The following NCOR1 variants were observed in gnomAD, a reference collection of about 807,000 sequenced individuals.
NCOR1 encodes the protein nuclear receptor corepressor 1.
A neutral mutation model predicts 288.1 loss-of-function variants in NCOR1; 63 were observed. The observed-to-expected ratio is 0.22, with a 90% CI of 0.18 to 0.27. The LOEUF (loss-of-function observed/expected upper bound fraction) is 0.27. Among genes scored for constraint, NCOR1 ranks in the 10% least tolerant of loss-of-function variants. NCOR1 has a pLI of 1.00. For missense variants in NCOR1, 2,397 were observed against 3,019.2 expected, an observed-to-expected ratio of 0.79 and a Z score of 4.83; for synonymous variants, 1,007 against 1,065.9, an observed-to-expected ratio of 0.94 and a Z score of 1.08.
chr17:16,189,628 T>G (rs1208912269), intron 2 of NCOR1, among the ~76,000 whole-genome samples: 1 of 152,062 alleles, frequency 6.6e-6, no homozygotes, highest in Admixed American at 6.6e-5. Context: ...GAGACAGGAT[T>G]CTGAAAAATA....
At chr17:16,065,294 T>C (rs547230524) in intron 33 of NCOR1, among the ~76,000 whole-genome samples, 191 bp downstream of exon 33, 1 of 152,342 alleles carries the variant, frequency 6.6e-6, no homozygotes, top group Non-Finnish European at 1.5e-5. Context: ...TTGGTTTAGT[T>C]AATTTCAGTA....
chr17:16,058,625 A>G, intron 37 of NCOR1, 26 bp from the exon 38 acceptor site: 1 of 1,583,124 alleles, frequency 6.3e-7, no homozygotes, highest in Non-Finnish European at 8.6e-7. Flanking sequence ...ATCTTATTTC[A>G]AAACTAATCC....
Position 16,058,677 on chromosome 17 carries a change from A to AT in NCOR1, c.5882-79dup, listed in dbSNP as rs1462748841. On this transcript the variant is annotated intron_variant, in intron 37 of 45. Coordinates refer to ENST00000268712, the MANE Select transcript of NCOR1 (RefSeq NM_006311.4). ...AGTCTAAGTTCTTCACACCTGTAGC[A>AT]TTTTTTCAATTCTGATCCACCATGT... The AT allele has an allele frequency of 9.3e-6, 13 of 1,390,384 alleles. No individual in the cohort carries two copies. In the East Asian group the frequency reaches 2.1e-4, roughly 22 times the overall value. 86.1% of individuals were successfully genotyped at this position (1,390,384 alleles called of 1,614,324 possible). A position where few individuals can be genotyped will look rare whatever the true frequency, so the allele number is the denominator to read the frequency against.
At chr17:16,087,272 A>G (rs1279945683) in intron 22 of NCOR1, 17 of 1,304,144 alleles carry the variant, frequency 1.3e-5, no homozygotes, top group Non-Finnish European at 1.7e-5. Flanking sequence ...ACCTTGCTGC[A>G]GTATTGTGCA....
At chr17:16,036,705 C>T (rs1169111276) in intron 44 of NCOR1, among the ~76,000 whole-genome samples, 1 of 152,172 alleles carries the variant, frequency 6.6e-6, no homozygotes, top group Admixed American at 6.5e-5. Flanking sequence ...CTGTGGCTTC[C>T]TCGCCTCTCT....
intron 11 of NCOR1, among the ~76,000 whole-genome samples, chr17:16,139,735 T>G (rs1329496547): frequency 6.6e-6 from 1 of 152,232 alleles, no homozygotes; most frequent in South Asian, 2.1e-4. Flanking sequence ...AAGGTTGTTA[T>G]TCTTAGAAAT....
chr17:16,184,897 G>C (rs933442772), intron 3 of NCOR1, among the ~76,000 whole-genome samples: 2 of 149,778 alleles, frequency 1.3e-5, no homozygotes, highest in African/African-American at 4.9e-5. Flanking sequence ...AAAAAAATGA[G>C]ATCTTGCCAT....
intron 5 of NCOR1, among the ~76,000 whole-genome samples, chr17:16,163,458 T>C (rs1159836739): frequency 1.3e-5 from 2 of 152,000 alleles, no homozygotes; most frequent in Admixed American, 1.3e-4. Flanking sequence ...AAACTACAAC[T>C]AGATACCACT....
chr17:16,149,634 T>C (rs867573373), intron 8 of NCOR1, 117 bp from the exon 9 acceptor site: 8 of 430,022 alleles, frequency 1.9e-5, no homozygotes, highest in Middle Eastern at 1.2e-3. Context: ...ATTTATGATG[T>C]AAACAAAGTT....
chr17:16,126,416 C>T (rs2074055062), intron 14 of NCOR1, among the ~76,000 whole-genome samples: 1 of 152,098 alleles, frequency 6.6e-6, no homozygotes, highest in African/African-American at 2.4e-5. Context: ...CACAAATGCT[C>T]ATAGCATTTG....
At chr17:16,100,462 A>C (rs2067415176) in intron 20 of NCOR1, among the ~76,000 whole-genome samples, 1 of 152,032 alleles carries the variant, frequency 6.6e-6, no homozygotes, top group Non-Finnish European at 1.5e-5. Flanking sequence ...CCAACACGGC[A>C]AAACCCCATC....
At chr17:16,115,446 T>C (rs2071390669) in intron 18 of NCOR1, among the ~76,000 whole-genome samples, 1 of 152,218 alleles carries the variant, frequency 6.6e-6, no homozygotes, top group African/African-American at 2.4e-5. Flanking sequence ...TCTATCACGT[T>C]GTTAGGCTGC....
At chr17:16,059,559 G>A (rs1441934966) in intron 37 of NCOR1, among the ~76,000 whole-genome samples, 2 of 152,190 alleles carry the variant, frequency 1.3e-5, no homozygotes, top group Non-Finnish European at 2.9e-5. Context: ...GTAAACAGAG[G>A]GCTATGCAGT....
rs1277672213 is a variant in NCOR1 at position 16,171,824 on chromosome 17, C to T, written c.414G>A (p.Arg138=). 1 of 1,606,610 alleles carries T rather than the reference C, an allele frequency of 6.2e-7. No homozygotes were observed. Among genetic ancestry groups the T allele is most frequent in the Admixed American group, 1.7e-5 (1 of 58,426 alleles). ...PLVHPLPEGL[R]ASADAKKDPA... is the part of the protein sequence containing the mutation. The stretch of plus-strand genomic sequence containing the variant: ...TTACCTTCTTAGCATCTGCAGAAGC[C>T]CTCAGCCCTTCTGGCAGCGGGTGCA... The change falls in exon 4 of 46, where the codon AGG becomes AGA. Residue 138 remains arginine (R), a synonymous_variant. Coordinates refer to ENST00000268712, the MANE Select transcript of NCOR1 (RefSeq NM_006311.4).
At chr17:16,113,508 C>T (rs1199478868) in intron 18 of NCOR1, among the ~76,000 whole-genome samples, 1 of 152,176 alleles carries the variant, frequency 6.6e-6, no homozygotes, top group Non-Finnish European at 1.5e-5. Flanking sequence ...TTTTTTGATA[C>T]TGTACCAAAA....
At chr17:16,135,584 G>A (rs551918418) in intron 14 of NCOR1, among the ~76,000 whole-genome samples, 5 of 152,116 alleles carry the variant, frequency 3.3e-5, no homozygotes, top group African/African-American at 4.8e-5. Context: ...CTGTGTAACC[G>A]TGTTTCTGCC....
chr17:16,105,239 C>T lies in NCOR1; in HGVS notation c.2183-3482G>A, dbSNP rs1003509197. ...CTGTGGAAGAAAAAACAGAATGGAC[C>T]TTGTCTCTACACAAAATAAAAAAGT... On this transcript the variant is annotated intron_variant, in intron 19 of 45. Transcript: ENST00000268712. Among the ~76,000 whole-genome samples, 4 of 152,156 alleles carry T rather than the reference C, an allele frequency of 2.6e-5. No individual in the cohort carries two copies. The East Asian group carries it at 7.7e-4, about 29-fold the overall frequency.
At chr17:16,062,762 C>G (rs2060676615) in intron 35 of NCOR1, among the ~76,000 whole-genome samples, 2 of 152,304 alleles carry the variant, frequency 1.3e-5, no homozygotes, top group Non-Finnish European at 2.9e-5. Context: ...TTCACTGTCC[C>G]CTTCACAGGT....
chr17:16,195,166 G>A (rs1759964000), intron 1 of NCOR1, among the ~76,000 whole-genome samples: 1 of 152,132 alleles, frequency 6.6e-6, no homozygotes, highest in Non-Finnish European at 1.5e-5. Flanking sequence ...CTATGGACCT[G>A]AAATAGCAAA....
Sources: allele counts gnomAD v4.1 joint callset (sites outside exome capture counted in the v4.1 genomes callset), GRCh38; gene constraint gnomAD v4.1.1; transcripts MANE v1.5; gene names NCBI Gene and HGNC (gene_info 2026-07-23, HGNC 2026-07-21).